RC3H1: variants seen among roughly 807,000 people sequenced by gnomAD.
RC3H1 encodes roquin-1.
A neutral mutation model predicts 138.2 loss-of-function variants in RC3H1; 50 were observed. That is an observed-to-expected ratio of 0.36 (90% CI 0.29 to 0.46). RC3H1 has a LOEUF of 0.46. RC3H1 is among the 20% of genes least tolerant of loss of function. The pLI is 1.00. For missense variants in RC3H1, 1,031 were observed against 1,388.1 expected (o/e 0.74, Z 4.09); for synonymous variants, 462 against 489.1 (o/e 0.94, Z 0.73).
At chr1:173,977,508 A>G (rs143699942) in intron 7 of RC3H1, among the ~76,000 whole-genome samples, 1 of 152,338 alleles carries the variant, frequency 6.6e-6, no homozygotes, top group East Asian at 1.9e-4. Flanking sequence ...CATTAAAGGA[A>G]GAGCAAGTAT....
chr1:173,932,823 T>A lies in RC3H1; in HGVS notation c.*5898A>T, dbSNP rs1028202336. On this transcript the variant is annotated 3_prime_UTR_variant, in exon 20 of 20. Coordinates refer to ENST00000367696, the MANE Select transcript of RC3H1 (RefSeq NM_172071.4). Reference sequence around the variant, plus strand: ...AGGCAAATAATAATAATAATAATAATAGAGCAACCAATTATTCACCCAATA... The same window carrying A: ...AGGCAAATAATAATAATAATAATAAAAGAGCAACCAATTATTCACCCAATA... 6.6e-5 allele frequency: 10 copies of A among 152,018 alleles called. No individual in the cohort carries two copies. The highest frequency in any genetic ancestry group is 2.4e-4 in the African/African-American group (10 of 41,402). 9.4% of individuals were successfully genotyped at this position (152,018 alleles called of 1,614,324 possible). A position where few individuals can be genotyped will look rare whatever the true frequency, so the allele number is the denominator to read the frequency against.
chr1:173,978,035 G>A (rs534413511), intron 7 of RC3H1, among the ~76,000 whole-genome samples: 17 of 152,178 alleles, frequency 1.1e-4, no homozygotes, highest in African/African-American at 3.6e-4. Context: ...TTCAGGTTAC[G>A]GAGAAGGAGC....
rs769532340 is a variant in RC3H1, at chr1:173,983,526, C to A, written c.484G>T (p.Gly162Cys). 6.2e-7 allele frequency: 1 copy of A among 1,614,072 alleles called. No individual in the cohort carries two copies. The highest frequency in any genetic ancestry group is 1.3e-5 in the African/African-American group (1 of 74,920). Residue 162 changes from glycine to cysteine, a missense_variant, in exon 4 of 20, where the codon GGT becomes TGT. By Grantham distance (159) the Gly-to-Cys change is radical (BLOSUM62 -3). Around this residue, in one of 7 missense-constraint regions of RC3H1, gnomAD observed 53 missense variants for 137.4 expected, o/e 0.39. Transcript: ENST00000367696. ...IRAMRAARSL[G>C]ERTVTELILQ... ...ATGAGCTCTGTAACTGTTCGTTCAC[C>A]TAAAGATCGAGCTGCCCTCATGGCA...
intron 13 of RC3H1, among the ~76,000 whole-genome samples, chr1:173,957,766 T>C (rs1297183895): frequency 6.6e-6 from 1 of 152,196 alleles, no homozygotes; most frequent in Non-Finnish European, 1.5e-5. Context: ...CTCACTATGT[T>C]GCTCAGACTG....
At chr1:173,941,974 C>T (rs1378222885) in intron 18 of RC3H1, among the ~76,000 whole-genome samples, 3 of 148,272 alleles carry the variant, frequency 2.0e-5, no homozygotes, top group African/African-American at 7.5e-5. Context: ...CATGGTGGCT[C>T]ACACCAGTAA....
In RC3H1 at chr1:173,937,313, T is replaced by C. The variant is rs1350672730; in HGVS notation, c.*1408A>G. The C allele has an allele frequency of 6.6e-6, 1 of 152,554 alleles. No homozygotes were observed. Among genetic ancestry groups the C allele is most frequent in the Non-Finnish European group, 1.5e-5 (1 of 68,036 alleles). The allele number at this position is 152,554 out of a possible 1,614,324, so 9.5% of individuals were successfully genotyped here. On this transcript the variant is annotated 3_prime_UTR_variant, in exon 20 of 20. Coordinates refer to ENST00000367696, the MANE Select transcript of RC3H1 (RefSeq NM_172071.4). ...CAAGAAAAATATAAACTCTTGTTTT[T>C]ACTCAACCAAAGCAATGTAGTAACT...
At chr1:173,998,738 T>C (rs1199797546) in intron 1 of RC3H1, among the ~76,000 whole-genome samples, 1 of 152,160 alleles carries the variant, frequency 6.6e-6, no homozygotes, top group Non-Finnish European at 1.5e-5. Context: ...AATATTACCA[T>C]TTGACTTTAC....
In RC3H1 at chr1:173,933,199, T is replaced by C. The variant is rs1456470990; in HGVS notation, c.*5522A>G. 2 of 152,142 alleles carry C rather than the reference T, an allele frequency of 1.3e-5. No homozygotes were observed. The highest frequency in any genetic ancestry group is 4.8e-5 in the African/African-American group (2 of 41,448). 9.4% of individuals were successfully genotyped at this position (152,142 alleles called of 1,614,324 possible). ...TCTTGTGAAAATAAAGTTCGTTCTC[T>C]AGGGATGTTTCAGGGATAAAGTTTA... On this transcript the variant is annotated 3_prime_UTR_variant, in exon 20 of 20. Coordinates refer to ENST00000367696, the MANE Select transcript of RC3H1 (RefSeq NM_172071.4).
At chr1:173,985,255 G>A (rs930012008) in intron 2 of RC3H1, among the ~76,000 whole-genome samples, 1 of 152,084 alleles carries the variant, frequency 6.6e-6, no homozygotes, top group Non-Finnish European at 1.5e-5. Flanking sequence ...TACGAATAAT[G>A]CTGCTATGAA....
At position 173,943,622 on chromosome 1, in the gene RC3H1, C is replaced by T. The variant is rs372492715; in HGVS notation, c.2962-7G>A. ...CCAGCCTGTTACTAACAGCCTAGTGCATAAAGCCAAGCACACAGAAAACTC... is the reference window on the plus strand; with the variant it reads ...CCAGCCTGTTACTAACAGCCTAGTGTATAAAGCCAAGCACACAGAAAACTC... On this transcript the variant is annotated splice_polypyrimidine_tract_variant and splice_region_variant and intron_variant, in intron 17 of 19. Transcript: ENST00000367696. The T allele has an allele frequency of 1.2e-6, 2 of 1,607,832 alleles. No individual in the cohort carries two copies. The highest frequency in any genetic ancestry group is 1.7e-6 in the Non-Finnish European group (2 of 1,177,138).
rs1460965066 is a variant in RC3H1 at position 173,936,739 on chromosome 1, ATATATATATATATATATATATAT to A, written c.*1959_*1981del. On this transcript the variant is annotated 3_prime_UTR_variant, in exon 20 of 20. Coordinates refer to ENST00000367696, the MANE Select transcript of RC3H1 (RefSeq NM_172071.4). The stretch of plus-strand genomic sequence containing the variant: ...AAAAAGAAAAAGCATACATATATAT[ATATATATATATATATATATATAT>A]TTTTTTTTTTTTTTTTAAAAAAAGA... The A allele has an allele frequency of 4.5e-5, 2 of 44,756 alleles. No individual in the cohort carries two copies. The highest frequency in any genetic ancestry group is 4.7e-4 in the African/African-American group (2 of 4,232). 2.8% of individuals were successfully genotyped at this position (44,756 alleles called of 1,614,324 possible). A position where few individuals can be genotyped will look rare whatever the true frequency, so the allele number is the denominator to read the frequency against.
intron 17 of RC3H1, among the ~76,000 whole-genome samples, chr1:173,946,220 A>C (rs1168587789): frequency 2.0e-5 from 3 of 152,040 alleles, no homozygotes; most frequent in Non-Finnish European, 4.4e-5. Flanking sequence ...AAAACCTTAA[A>C]TGTGCCATCA....
At chr1:173,985,190 T>C (rs564812560) in intron 2 of RC3H1, among the ~76,000 whole-genome samples, 1 of 152,354 alleles carries the variant, frequency 6.6e-6, no homozygotes, top group South Asian at 2.1e-4. Flanking sequence ...TATATCACAC[T>C]TTATTTACAC....
At chr1:173,990,579 T>TTA (rs1245900929) in intron 2 of RC3H1, among the ~76,000 whole-genome samples, 1 of 97,734 alleles carries the variant, frequency 1.0e-5, no homozygotes, top group African/African-American at 3.6e-5. Context: ...TTATTATTTA[T>TTA]TTTTTTTTTT....
intron 1 of RC3H1, among the ~76,000 whole-genome samples, chr1:173,999,801 T>C (rs569999132): frequency 1.3e-5 from 2 of 152,230 alleles, no homozygotes; most frequent in Non-Finnish European, 2.9e-5. Context: ...GTGCTCTATA[T>C]ACAGTATCTA....
chr1:174,014,388 A>G (rs908923672), intron 1 of RC3H1, among the ~76,000 whole-genome samples: 2 of 152,158 alleles, frequency 1.3e-5, no homozygotes, highest in African/African-American at 4.8e-5. Context: ...CTTTCAAAAA[A>G]CTCAAATTTA....
intron 1 of RC3H1, among the ~76,000 whole-genome samples, chr1:174,009,777 G>T (rs1463220075): frequency 6.6e-6 from 1 of 152,200 alleles, no homozygotes; most frequent in East Asian, 1.9e-4. Flanking sequence ...GGCAGAGGTT[G>T]CAGTGAGCCG....
At position 173,936,711 on chromosome 1, in the gene RC3H1, A is replaced by T. The variant is rs1228838920; in HGVS notation, c.*2010T>A. On this transcript the variant is annotated 3_prime_UTR_variant, in exon 20 of 20. Coordinates refer to ENST00000367696, the MANE Select transcript of RC3H1 (RefSeq NM_172071.4). ...AAGTCAAAAAGCAAACAAAAGCCAAAAAAAAAAGAAAAAGCATACATATAT... is the reference window on the plus strand; with the variant it reads ...AAGTCAAAAAGCAAACAAAAGCCAATAAAAAAAGAAAAAGCATACATATAT... The T allele has an allele frequency of 2.2e-5, 3 of 136,756 alleles. No individual in the cohort carries two copies. Among genetic ancestry groups the T allele is most frequent in the Non-Finnish European group, 4.7e-5 (3 of 64,410 alleles). The allele number at this position is 136,756 out of a possible 1,614,324, so 8.5% of individuals were successfully genotyped here.
At chr1:173,946,867 T>G in intron 15 of RC3H1, 31 bp from the exon 16 acceptor site, 3 of 1,410,808 alleles carry the variant, frequency 2.1e-6, no homozygotes, top group Non-Finnish European at 3.0e-6. Flanking sequence ...ATGGTATAAT[T>G]CACAGATTTG....
Sources: gnomAD v4.1 joint callset for allele counts (sites outside exome capture counted in the v4.1 genomes callset) on GRCh38, gnomAD v4.1.1 for gene constraint, gnomAD v4.1.1 regional missense constraint, MANE v1.5 for transcripts, NCBI Gene and HGNC (gene_info 2026-07-23, HGNC 2026-07-21) for gene names.